PARD3: variants seen among roughly 807,000 people sequenced by gnomAD.
PARD3 encodes the protein partitioning defective 3 homolog.
In PARD3, 75 loss-of-function variants were observed where a neutral mutation model predicts 155.4. The ratio of observed to expected loss-of-function variants is 0.48; its 90% CI spans 0.40 to 0.58. The LOEUF is 0.58. PARD3 is among the 20% of genes least tolerant of loss of function. The pLI, the probability that PARD3 is intolerant of heterozygous loss-of-function variation, is 0.00. For missense variants in PARD3, 1,642 were observed against 1,721.7 expected (o/e 0.95, Z 0.82); for synonymous variants, 576 against 610.5 (o/e 0.94, Z 0.83).
At chr10:34,315,069 C>A (rs1437351042) in intron 20 of PARD3, among the ~76,000 whole-genome samples, 1 of 152,190 alleles carries the variant, frequency 6.6e-6, no homozygotes, top group African/African-American at 2.4e-5. Flanking sequence ...TCAGCCCCTG[C>A]ACCTGCATAT....
At chr10:34,223,490 A>T (rs747712611) in intron 22 of PARD3, among the ~76,000 whole-genome samples, 1 of 152,178 alleles carries the variant, frequency 6.6e-6, no homozygotes, top group Non-Finnish European at 1.5e-5. Context: ...TAACCAAGGG[A>T]CACAGACCCA....
At chr10:34,465,140 C>T (rs538351082) in intron 4 of PARD3, among the ~76,000 whole-genome samples, 19 of 152,248 alleles carry the variant, frequency 1.2e-4, no homozygotes, top group African/African-American at 2.6e-4. Context: ...AAAGTTTCTA[C>T]GTGTTCAGTA....
At chr10:34,298,822 G>A (rs1326266632) in intron 20 of PARD3, among the ~76,000 whole-genome samples, 1 of 152,156 alleles carries the variant, frequency 6.6e-6, no homozygotes, top group African/African-American at 2.4e-5. Flanking sequence ...AAAGGAGGTG[G>A]TGATGCTGAC....
At chr10:34,331,886 C>T (rs1338861369) in intron 18 of PARD3, among the ~76,000 whole-genome samples, 2 of 152,128 alleles carry the variant, frequency 1.3e-5, no homozygotes, top group Non-Finnish European at 2.9e-5. Flanking sequence ...CGGGGGCCAA[C>T]ATGTCACCAA....
intron 2 of PARD3, among the ~76,000 whole-genome samples, chr10:34,686,751 A>G (rs889772648): frequency 6.6e-6 from 1 of 151,796 alleles, no homozygotes; most frequent in African/African-American, 2.4e-5. Flanking sequence ...CAAAAAGAAA[A>G]GAAAAAAAAA....
intron 20 of PARD3, among the ~76,000 whole-genome samples, chr10:34,299,725 A>G (rs1045699762): frequency 6.6e-6 from 1 of 152,264 alleles, no homozygotes; most frequent in Admixed American, 6.5e-5. Flanking sequence ...GGAGTTCCAC[A>G]GGAAAAATGC....
intron 1 of PARD3, among the ~76,000 whole-genome samples, chr10:34,753,501 G>T (rs1836319267): frequency 6.6e-6 from 1 of 152,192 alleles, no homozygotes; most frequent in African/African-American, 2.4e-5. Context: ...TAAAGACCTT[G>T]CCACATGGAC....
chr10:34,487,687 A>G (rs2133279584), intron 3 of PARD3, among the ~76,000 whole-genome samples: 1 of 151,710 alleles, frequency 6.6e-6, no homozygotes, highest in South Asian at 2.1e-4. Flanking sequence ...TCCTTCATGC[A>G]GTGCTGACTC....
chr10:34,251,009 C>T (rs1255256566), intron 22 of PARD3, among the ~76,000 whole-genome samples: 2 of 152,178 alleles, frequency 1.3e-5, no homozygotes, highest in African/African-American at 4.8e-5. Context: ...TCATAAACCT[C>T]TTTCACCTTA....
intron 7 of PARD3, among the ~76,000 whole-genome samples, chr10:34,393,836 AT>A (rs11330074): frequency 0.45 from 58,343 of 128,644 alleles, 11,415 homozygotes; most frequent in African/African-American, 0.52. Context: ...AATAGTAGTA[AT>A]TTTTTTTTTT....
chr10:34,225,081 T>C (rs1005724170), intron 22 of PARD3, among the ~76,000 whole-genome samples: 1 of 152,184 alleles, frequency 6.6e-6, no homozygotes, highest in African/African-American at 2.4e-5. Flanking sequence ...TAACCAAAAA[T>C]ATTTTAGGTC....
At chr10:34,370,810 GTGTGT>G (rs1564636978) in intron 12 of PARD3, among the ~76,000 whole-genome samples, 1 of 11,348 alleles carries the variant, frequency 8.8e-5, no homozygotes, top group African/African-American at 1.8e-4. Flanking sequence ...CAAATGGGGT[GTGTGT>G]GTGTGTGTGT....
intron 3 of PARD3, among the ~76,000 whole-genome samples, chr10:34,480,544 C>A (rs1265014940): frequency 6.6e-6 from 1 of 152,146 alleles, no homozygotes; most frequent in East Asian, 1.9e-4. Flanking sequence ...CAACCTGTTT[C>A]TACTTTTAAC....
chr10:34,391,421 C>T (rs148615928), intron 7 of PARD3, among the ~76,000 whole-genome samples: 10,239 of 152,092 alleles, frequency 0.067, 464 homozygotes, highest in Non-Finnish European at 0.096. Flanking sequence ...CCACAGAGCT[C>T]GGTGGTGTTG....
chr10:34,257,421 TA>T (rs1389064761), intron 22 of PARD3, among the ~76,000 whole-genome samples: 1 of 152,164 alleles, frequency 6.6e-6, no homozygotes, highest in Non-Finnish European at 1.5e-5. Flanking sequence ...TAGGTCAAAA[TA>T]AAAAGATGAG....
rs191256869 is a variant in PARD3 at position 34,502,743 on chromosome 10, G to A, written c.403+14236C>T. 4.6e-5 allele frequency among the ~76,000 whole-genome samples: 7 copies of A among 152,110 alleles called. No homozygotes were observed. In the East Asian group the frequency reaches 1.4e-3, roughly 29 times the overall value. On this transcript the variant is annotated intron_variant, in intron 3 of 24. Transcript: ENST00000374788. The stretch of plus-strand genomic sequence containing the variant: ...TTACTTGAGTATGGGCAACATAGCA[G>A]GATCCCATCTCAAAAAAAACAAAAA...
intron 1 of PARD3, among the ~76,000 whole-genome samples, chr10:34,728,916 T>C (rs780804120): frequency 5.3e-5 from 8 of 152,164 alleles, no homozygotes; most frequent in African/African-American, 1.7e-4. Flanking sequence ...TCCCATAAGA[T>C]TGTAATACCG....
Position 34,696,241 on chromosome 10 carries a change from A to G in PARD3, c.222+77T>C, listed in dbSNP as rs138428953. On this transcript the variant is annotated intron_variant, in intron 2 of 24. Transcript: ENST00000374788. The stretch of plus-strand genomic sequence containing the variant: ...AAAGTATGTGTCTAAAACAGAAAGG[A>G]AAAGAATCGCACCCGCTCCCTAGTC... 7.7e-6 allele frequency: 6 copies of G among 777,282 alleles called. No individual in the cohort carries two copies. In the African/African-American group the frequency reaches 8.8e-5, roughly 11 times the overall value. 48.1% of individuals were successfully genotyped at this position (777,282 alleles called of 1,614,324 possible).
At chr10:34,255,200 C>T (rs899925584) in intron 22 of PARD3, among the ~76,000 whole-genome samples, 15 of 151,762 alleles carry the variant, frequency 9.9e-5, no homozygotes, top group Non-Finnish European at 1.9e-4. Flanking sequence ...ACAGAGAAAA[C>T]CCTCATTCCT....
Sources: gnomAD v4.1 joint callset for allele counts (sites outside exome capture counted in the v4.1 genomes callset) on GRCh38, gnomAD v4.1.1 for gene constraint, MANE v1.5 for transcripts, NCBI Gene and HGNC (gene_info 2026-07-23, HGNC 2026-07-21) for gene names.